The following SCFD1 variants were observed in gnomAD, a reference collection of about 807,000 sequenced individuals.
SCFD1 encodes sec1 family domain-containing protein 1.
In SCFD1, 37 loss-of-function variants were observed where a neutral mutation model predicts 103.2. The observed-to-expected ratio is 0.36, with a 90% CI of 0.28 to 0.47. The LOEUF is 0.47. Ranked by LOEUF, SCFD1 falls within the 20% of genes least tolerant of loss-of-function variation. The probability of loss-of-function intolerance (pLI) is 1.00; values close to 1 mark genes in which losing one functional copy is unlikely to be tolerated. For synonymous variants in SCFD1, 264 were observed against 245.0 expected (o/e 1.08, Z -0.73); for missense variants, 639 against 761.2 (o/e 0.84, Z 1.89).
chr14:30,676,653 A>G (rs556389702), intron 14 of SCFD1: 2 of 152,322 alleles, frequency 1.3e-5, no homozygotes, highest in South Asian at 4.1e-4. Context: ...AGAACCTAGA[A>G]AAAGACAAAT....
intron 1 of SCFD1, among the ~76,000 whole-genome samples, chr14:30,623,098 T>C (rs1199599110): frequency 6.6e-6 from 1 of 152,192 alleles, no homozygotes; most frequent in African/African-American, 2.4e-5. Flanking sequence ...GTCTTAGAAA[T>C]TAGTTTTGCC....
In SCFD1 at chr14:30,673,984, A is replaced by G; in HGVS notation, c.1147A>G (p.Thr383Ala). 3.7e-6 allele frequency: 6 copies of G among 1,613,158 alleles called. No individual in the cohort carries two copies. Among genetic ancestry groups the G allele is most frequent in the Non-Finnish European group, 5.1e-6 (6 of 1,179,236 alleles). Reference protein sequence around the residue: ...SMLSDNTAKLTSAVSSLPELL... With the variant: ...SMLSDNTAKLASAVSSLPELL... ...GCTTTCTGACAATACCGCTAAGCTA[A>G]CATCAGCTGTTAGGTAAGTGAGCAG... The change falls in exon 13 of 25, where the codon ACA becomes GCA. Residue 383 changes from threonine to alanine, a missense_variant. Transcript: ENST00000458591.
chr14:30,697,234 A>G (rs972500246), intron 15 of SCFD1, among the ~76,000 whole-genome samples: 8 of 152,154 alleles, frequency 5.3e-5, no homozygotes, highest in African/African-American at 9.7e-5. Flanking sequence ...AAAGTACAAA[A>G]TGAGTCTGGA....
chr14:30,638,939 T>G (rs1885002871), intron 5 of SCFD1, among the ~76,000 whole-genome samples: 1 of 152,248 alleles, frequency 6.6e-6, no homozygotes, highest in Admixed American at 6.5e-5. Flanking sequence ...TTTCTACTGA[T>G]AGATTTTTCA....
intron 7 of SCFD1, among the ~76,000 whole-genome samples, chr14:30,648,063 A>G (rs993225232): frequency 6.6e-6 from 1 of 152,348 alleles, no homozygotes; most frequent in South Asian, 2.1e-4. Flanking sequence ...TATATATACT[A>G]TCGTATTTTT....
intron 7 of SCFD1, among the ~76,000 whole-genome samples, chr14:30,648,804 T>C (rs960194559): frequency 6.6e-6 from 1 of 152,036 alleles, no homozygotes; most frequent in Non-Finnish European, 1.5e-5. Flanking sequence ...GCAATTTTTG[T>C]AGAGACAGAG....
rs763330120 is a variant in SCFD1 at position 30,650,543 on chromosome 14, A to G, written c.670-22A>G. 1.3e-5 allele frequency: 17 copies of G among 1,359,182 alleles called. No individual in the cohort carries two copies. The East Asian group carries it at 3.7e-4, about 29-fold the overall frequency. 84.2% of individuals were successfully genotyped at this position (1,359,182 alleles called of 1,614,324 possible). A position where few individuals can be genotyped will look rare whatever the true frequency, so the allele number is the denominator to read the frequency against. ...AAGTTATATGAAACTGTTAAGAGTT[A>G]ATCTAAAATTTTATTTTTCAGAAAC... On this transcript the variant is annotated intron_variant, in intron 8 of 24. Coordinates refer to ENST00000458591, the MANE Select transcript of SCFD1 (RefSeq NM_016106.4).
chr14:30,661,628 G>A (rs230350), intron 10 of SCFD1, among the ~76,000 whole-genome samples: 6 of 151,984 alleles, frequency 3.9e-5, no homozygotes, highest in African/African-American at 9.7e-5. Context: ...TGATGTCTCC[G>A]TAAGAAATAG....
Position 30,643,271 on chromosome 14 carries a change from C to G in SCFD1, c.524-45C>G, listed in dbSNP as rs771738087. On this transcript the variant is annotated intron_variant, in intron 6 of 24. Coordinates refer to ENST00000458591, the MANE Select transcript of SCFD1 (RefSeq NM_016106.4). ...TTTTAGGAGTTTTAGAAAGATGAGG[C>G]ATAAGTTTGGGTCAACTTTTTCTCC... 7.2e-6 allele frequency: 8 copies of G among 1,113,604 alleles called. No homozygotes were observed. The South Asian group carries it at 1.0e-4, about 14-fold the overall frequency. 69.0% of individuals were successfully genotyped at this position (1,113,604 alleles called of 1,614,324 possible). A position where few individuals can be genotyped will look rare whatever the true frequency, so the allele number is the denominator to read the frequency against.
intron 16 of SCFD1, among the ~76,000 whole-genome samples, chr14:30,701,650 T>C (rs1490879172): frequency 6.6e-6 from 1 of 152,224 alleles, no homozygotes; most frequent in Non-Finnish European, 1.5e-5. Flanking sequence ...GAATATGTGA[T>C]TTTAAAACTT....
chr14:30,699,804 G>A (rs1336077280), intron 15 of SCFD1, among the ~76,000 whole-genome samples: 1 of 152,094 alleles, frequency 6.6e-6, no homozygotes, highest in Non-Finnish European at 1.5e-5. Context: ...TTTCATACCA[G>A]TTGTCCTTAT....
At position 30,633,943 on chromosome 14, in the gene SCFD1, C is replaced by T. The variant is rs763071300; in HGVS notation, c.222-4C>T. On this transcript the variant is annotated splice_region_variant and splice_polypyrimidine_tract_variant and intron_variant, in intron 3 of 24. Transcript: ENST00000458591. ...AATAAGTTTTAGTTCCTTATGTCTT[C>T]TAGGCTTTTACACTCTGATCGAGAT... 3 of 1,556,118 alleles carry T rather than the reference C, an allele frequency of 1.9e-6. No homozygotes were observed. In the East Asian group the frequency reaches 6.9e-5, roughly 36 times the overall value.
At chr14:30,665,671 A>C (rs1460937334) in intron 10 of SCFD1, among the ~76,000 whole-genome samples, 1 of 152,196 alleles carries the variant, frequency 6.6e-6, no homozygotes, top group Non-Finnish European at 1.5e-5. Context: ...AGACACACAA[A>C]GGCTCAAAAT....
chr14:30,663,687 G>C (rs1318695826), intron 10 of SCFD1, among the ~76,000 whole-genome samples: 22 of 152,154 alleles, frequency 1.4e-4, no homozygotes, highest in Admixed American at 1.4e-3. Context: ...TCAAGTGATA[G>C]AATCTAATTC....
intron 10 of SCFD1, among the ~76,000 whole-genome samples, chr14:30,663,096 A>G (rs1887595672): frequency 6.6e-6 from 1 of 152,220 alleles, no homozygotes; most frequent in Admixed American, 6.5e-5. Context: ...TTATGCAAAC[A>G]ATGGAAATAT....
At chr14:30,700,908 T>C (rs909480920) in intron 16 of SCFD1, among the ~76,000 whole-genome samples, 10 of 152,248 alleles carry the variant, frequency 6.6e-5, no homozygotes, top group Admixed American at 1.3e-4. Context: ...GTTGACCTTA[T>C]TTTAAGATTG....
intron 17 of SCFD1, among the ~76,000 whole-genome samples, chr14:30,703,912 TA>T (rs1891252596): frequency 1.1e-4 from 1 of 9,088 alleles, no homozygotes; most frequent in Admixed American, 9.1e-4. Flanking sequence ...AATATTTGCA[TA>T]TATATATATA....
At position 30,711,698 on chromosome 14, in the gene SCFD1, ATAT is replaced by A. The variant is rs1267972567; in HGVS notation, c.1629+3637_1629+3639del. On this transcript the variant is annotated intron_variant, in intron 19 of 24. Transcript: ENST00000458591. ...AGAATAAATCACTGTTAATTATGTA[ATAT>A]TATAACTTATAAATTATTTAATAAT... is the stretch of plus-strand genomic sequence containing the variant. Among the ~76,000 whole-genome samples the A allele has an allele frequency of 3.9e-5, 6 of 152,236 alleles. No individual in the cohort carries two copies. In the East Asian group the frequency reaches 9.6e-4, roughly 24 times the overall value.
rs1333638768 is a variant in SCFD1, at chr14:30,702,440, A to G, written c.1490+65A>G. The G allele has an allele frequency of 4.2e-6, 4 of 959,212 alleles. No individual in the cohort carries two copies. In the Admixed American group the frequency reaches 7.6e-5, roughly 18 times the overall value. The allele number at this position is 959,212 out of a possible 1,614,324, so 59.4% of individuals were successfully genotyped here. ...GAGTACAATTGAGGCTTCATTCCCA[A>G]GAAAATGGGAATGCTAATAAGAAAA... On this transcript the variant is annotated intron_variant, in intron 17 of 24. Transcript: ENST00000458591.
Sources: allele counts gnomAD v4.1 joint callset (sites outside exome capture counted in the v4.1 genomes callset), GRCh38; gene constraint gnomAD v4.1.1; transcripts MANE v1.5; gene names NCBI Gene and HGNC (gene_info 2026-07-23, HGNC 2026-07-21).